Variants in PALM2AKAP2 observed in about 807,000 individuals in gnomAD.
The protein encoded by PALM2AKAP2 is PALM2-AKAP2 fusion protein.
In PALM2AKAP2, 37 loss-of-function variants were observed where a neutral mutation model predicts 71.5. The observed-to-expected ratio is 0.52, with a 90% CI of 0.40 to 0.68. The LOEUF (loss-of-function observed/expected upper bound fraction) is 0.68, where lower values mean the gene tolerates loss of function less well. PALM2AKAP2 is among the 30% of genes least tolerant of loss of function. PALM2AKAP2 has a pLI of 0.00. For missense variants in PALM2AKAP2, 1,224 were observed against 1,191.8 expected (o/e 1.03, Z -0.40); for synonymous variants, 468 against 478.8 (o/e 0.98, Z 0.29).
chr9:110,145,029 G>A (rs1258478689), intron 2 of PALM2AKAP2, among the ~76,000 whole-genome samples: 1 of 152,072 alleles, frequency 6.6e-6, no homozygotes, highest in African/African-American at 2.4e-5. Flanking sequence ...TACAGTAATA[G>A]CTTCTCTCTC....
At chr9:109,931,704 C>T (rs1315286406) in intron 5 of PALM2AKAP2, among the ~76,000 whole-genome samples, 1 of 152,194 alleles carries the variant, frequency 6.6e-6, no homozygotes, top group Non-Finnish European at 1.5e-5. Flanking sequence ...ATACATAGAG[C>T]CATCCTGGGG....
chr9:110,081,671 G>A (rs745444228), intron 1 of PALM2AKAP2, among the ~76,000 whole-genome samples: 3 of 152,086 alleles, frequency 2.0e-5, no homozygotes, highest in Non-Finnish European at 2.9e-5. Context: ...CCAGCCACCA[G>A]GCCTCATGCT....
chr9:109,890,246 C>T (rs892103473), intron 3 of PALM2AKAP2, among the ~76,000 whole-genome samples: 6 of 152,182 alleles, frequency 3.9e-5, no homozygotes, highest in South Asian at 2.1e-4. Context: ...CACAAGGGCC[C>T]GGAGCCAAGA....
At chr9:110,138,368 C>T in exon 2 of PALM2AKAP2, 1 of 1,614,224 alleles carries the variant, frequency 6.2e-7, no homozygotes, top group Non-Finnish European at 8.5e-7. Flanking sequence ...GCCTTTCAAG[C>T]TGAGGTCCAG....
intron 1 of PALM2AKAP2, among the ~76,000 whole-genome samples, chr9:109,786,647 C>G (rs568527466): frequency 5.6e-4 from 86 of 152,260 alleles, no homozygotes; most frequent in African/African-American, 2.0e-3. Flanking sequence ...TCTGGGAGTG[C>G]CAAGGCAGGC....
intron 3 of PALM2AKAP2, among the ~76,000 whole-genome samples, 155 bp downstream of exon 10, chr9:110,162,287 T>A (rs1450785805): frequency 6.6e-6 from 1 of 152,164 alleles, no homozygotes; most frequent in Non-Finnish European, 1.5e-5. Flanking sequence ...AATATGGGAC[T>A]GCCTCGAAAT....
chr9:110,168,659 A>G lies in PALM2AKAP2; in HGVS notation c.*162A>G. 5 of 872,362 alleles carry G rather than the reference A, an allele frequency of 5.7e-6. No individual in the cohort carries two copies. The South Asian group carries it at 1.0e-4, about 18-fold the overall frequency. 54.0% of individuals were successfully genotyped at this position (872,362 alleles called of 1,614,324 possible). ...AATATACAATGATGAAAATGAAACG[A>G]AAAGGAAGTCCCCCCATCAGACTCT... On this transcript the variant is annotated 3_prime_UTR_variant, in exon 4 of 4. Coordinates refer to ENST00000374525, the Ensembl canonical transcript of PALM2AKAP2.
At chr9:109,692,314 A>T (rs1201542444) in intron 1 of PALM2AKAP2, among the ~76,000 whole-genome samples, 3 of 151,990 alleles carry the variant, frequency 2.0e-5, no homozygotes, top group African/African-American at 7.2e-5. Context: ...AGACCTTGCT[A>T]AACTCATTAA....
intron 1 of PALM2AKAP2, among the ~76,000 whole-genome samples, chr9:109,679,356 G>C (rs1311485838): frequency 2.0e-5 from 3 of 152,208 alleles, no homozygotes; most frequent in African/African-American, 7.2e-5. Flanking sequence ...CTTGGATCTG[G>C]TTCCTTCCCT....
At chr9:109,880,407 G>A in intron 2 of PALM2AKAP2, 144 bp from the exon 3 acceptor site, 3 of 1,219,318 alleles carry the variant, frequency 2.5e-6, no homozygotes, top group East Asian at 4.8e-5. Context: ...GAGGGAAGTA[G>A]GGAGCCATGT....
intron 1 of PALM2AKAP2, among the ~76,000 whole-genome samples, chr9:109,672,308 G>A (rs1270853281): frequency 1.3e-5 from 2 of 151,902 alleles, no homozygotes; most frequent in Non-Finnish European, 2.9e-5. Flanking sequence ...AGTTTTTAAC[G>A]TGGATCAATG....
intron 3 of PALM2AKAP2, among the ~76,000 whole-genome samples, chr9:109,909,911 CAG>C (rs1374603746): frequency 6.6e-6 from 1 of 152,144 alleles, no homozygotes; most frequent in African/African-American, 2.4e-5. Flanking sequence ...TGAGCTTTAG[CAG>C]AGAGCCCATG....
At chr9:109,727,421 C>T (rs1392310430) in intron 1 of PALM2AKAP2, among the ~76,000 whole-genome samples, 1 of 152,168 alleles carries the variant, frequency 6.6e-6, no homozygotes, top group Admixed American at 6.5e-5. Flanking sequence ...TGTTTCCTCA[C>T]CAGTCAATTG....
At chr9:109,677,659 C>G (rs1404030734) in intron 1 of PALM2AKAP2, among the ~76,000 whole-genome samples, 1 of 145,230 alleles carries the variant, frequency 6.9e-6, no homozygotes, top group African/African-American at 2.6e-5. Context: ...CAGAGTGGGA[C>G]TCTGTCTCAA....
intron 6 of PALM2AKAP2, chr9:109,943,055 A>G (rs1266187452): frequency 1.9e-6 from 3 of 1,614,090 alleles, no homozygotes; most frequent in East Asian, 2.2e-5. Flanking sequence ...TCTTCCGGGA[A>G]CCCAGGGCAG....
chr9:109,689,421 A>C lies in PALM2AKAP2; in HGVS notation c.5+48555A>C, dbSNP rs369048794. ...CACCAAGTTGATCAGGCTGGTCTCA[A>C]ACTCCTGACCTCAGGTGATCCACCC... On this transcript the variant is annotated intron_variant, in intron 1 of 6. Transcript: ENST00000374531. Among the ~76,000 whole-genome samples the C allele has an allele frequency of 1.5e-3, 224 of 152,104 alleles. 1 individual carries two copies. The highest frequency in any genetic ancestry group is 4.9e-3 in the African/African-American group (205 of 41,502).
rs761023069 is a variant in PALM2AKAP2 at position 110,138,544 on chromosome 9, G to T, written c.2569+5G>T. ...CATGCTACAAAACTGCTCCAGGTAA[G>T]TGAGGTGCCTCACATGAGAGACAGA... On this transcript the variant is annotated splice_donor_5th_base_variant and intron_variant, in intron 2 of 3. Coordinates refer to ENST00000374525, the Ensembl canonical transcript of PALM2AKAP2. The T allele has an allele frequency of 6.3e-7, 1 of 1,584,440 alleles. No individual in the cohort carries two copies. The highest frequency in any genetic ancestry group is 1.8e-5 in the Admixed American group (1 of 55,960).
intron 1 of PALM2AKAP2, among the ~76,000 whole-genome samples, chr9:109,712,018 TGTGA>T (rs978482281): frequency 5.9e-5 from 9 of 151,402 alleles, no homozygotes; most frequent in Non-Finnish European, 8.9e-5. Flanking sequence ...TGTGTGTGTG[TGTGA>T]GCAACTCACC....
intron 3 of PALM2AKAP2, among the ~76,000 whole-genome samples, chr9:109,884,715 C>T (rs762362359): frequency 6.6e-6 from 1 of 152,146 alleles, no homozygotes; most frequent in Non-Finnish European, 1.5e-5. Flanking sequence ...TAGTCTAAGT[C>T]ACCCCCAGCA....
Sources: allele counts gnomAD v4.1 joint callset (sites outside exome capture counted in the v4.1 genomes callset), GRCh38; gene constraint gnomAD v4.1.1; transcripts MANE v1.5; gene names NCBI Gene and HGNC (gene_info 2026-07-23, HGNC 2026-07-21).